Variants in KCTD8 observed in about 807,000 individuals in gnomAD.
The protein encoded by KCTD8 is BTB/POZ domain-containing protein KCTD8.
KCTD8 carries 27 observed loss-of-function variants against 31.5 expected under a neutral mutation model. The observed-to-expected ratio is 0.86, with a 90% CI of 0.63 to 1.18. The LOEUF is 1.18. KCTD8 is among the 50% of genes most tolerant of loss of function. KCTD8 has a pLI of 0.00. For synonymous variants in KCTD8, 290 were observed against 280.0 expected (o/e 1.04, Z -0.36); for missense variants, 658 against 647.7 (o/e 1.02, Z -0.17).
At chr4:44,426,051 G>C (rs1180236383) in intron 1 of KCTD8, among the ~76,000 whole-genome samples, 1 of 151,202 alleles carries the variant, frequency 6.6e-6, no homozygotes, top group African/African-American at 2.4e-5. Flanking sequence ...CCAAGTAAAA[G>C]ACTACTAGAT....
intron 1 of KCTD8, among the ~76,000 whole-genome samples, chr4:44,420,979 A>C (rs1721195048): frequency 6.7e-6 from 1 of 149,582 alleles, no homozygotes; most frequent in African/African-American, 2.5e-5. Flanking sequence ...AGAGAGATTA[A>C]AAAAAAAAGG....
chr4:44,396,795 A>C (rs1412624226), intron 1 of KCTD8, among the ~76,000 whole-genome samples: 7 of 152,178 alleles, frequency 4.6e-5, no homozygotes, highest in Non-Finnish European at 1.0e-4. Context: ...AGACCCATGC[A>C]GTGGAAATAT....
intron 1 of KCTD8, among the ~76,000 whole-genome samples, chr4:44,331,709 A>C (rs1718594206): frequency 6.7e-6 from 1 of 149,794 alleles, no homozygotes. Context: ...ATATGTGGAG[A>C]TGTGGAGCCA....
chr4:44,447,873 G>T lies in KCTD8; in HGVS notation c.651C>A (p.Tyr217Ter). Residue 217 changes from tyrosine to a stop codon, truncating the protein, a stop_gained, in exon 1 of 2, where the codon TAC becomes TAA. Transcript: ENST00000360029. LOFTEE classifies it high-confidence loss of function. ...GFLTLGYRGS[Y>*]TTVRDNQADA... is the part of the protein sequence containing the mutation. The stretch of plus-strand genomic sequence containing the variant: ...CGGCCTGGTTGTCGCGCACGGTGGT[G>T]TAGGAGCCCCGGTAGCCCAGCGTGA... 1 of 1,558,962 alleles carries T rather than the reference G, an allele frequency of 6.4e-7. No individual in the cohort carries two copies. Among genetic ancestry groups the T allele is most frequent in the Non-Finnish European group, 8.7e-7 (1 of 1,150,358 alleles).
At chr4:44,384,270 C>A (rs1050006203) in intron 1 of KCTD8, among the ~76,000 whole-genome samples, 6 of 151,748 alleles carry the variant, frequency 4.0e-5, no homozygotes, top group African/African-American at 1.5e-4. Context: ...CCTCAAAAAA[C>A]CACAAATACA....
intron 1 of KCTD8, among the ~76,000 whole-genome samples, chr4:44,248,512 T>C (rs953836657): frequency 3.3e-5 from 5 of 151,684 alleles, no homozygotes; most frequent in African/African-American, 1.2e-4. Flanking sequence ...TTCTTTCTAG[T>C]CTCTTAAAAT....
At chr4:44,241,184 C>T (rs544762512) in intron 1 of KCTD8, among the ~76,000 whole-genome samples, 1 of 152,300 alleles carries the variant, frequency 6.6e-6, no homozygotes, top group Non-Finnish European at 1.5e-5. Flanking sequence ...TGCATTTCTT[C>T]TTTTACTCTA....
At chr4:44,391,839 T>C (rs1048972843) in intron 1 of KCTD8, among the ~76,000 whole-genome samples, 7 of 151,898 alleles carry the variant, frequency 4.6e-5, no homozygotes, top group Non-Finnish European at 8.8e-5. Flanking sequence ...TTATAATGAG[T>C]AGACAAAGTT....
At chr4:44,217,745 T>A (rs894885040) in intron 1 of KCTD8, among the ~76,000 whole-genome samples, 1 of 152,182 alleles carries the variant, frequency 6.6e-6, no homozygotes, top group African/African-American at 2.4e-5. Flanking sequence ...GATGCTTCCA[T>A]CCATTCTTCC....
intron 1 of KCTD8, among the ~76,000 whole-genome samples, chr4:44,186,060 T>G (rs540070494): frequency 1.3e-5 from 2 of 152,238 alleles, no homozygotes; most frequent in South Asian, 2.1e-4. Context: ...TTTCCAAGAC[T>G]ACTCTGGCCT....
intron 1 of KCTD8, among the ~76,000 whole-genome samples, chr4:44,424,837 C>T (rs189313679): frequency 1.3e-4 from 20 of 152,152 alleles, no homozygotes; most frequent in Non-Finnish European, 1.5e-4. Context: ...TTACCCAGTT[C>T]TCATTGATAT....
chr4:44,300,001 C>A (rs1717561888), intron 1 of KCTD8, among the ~76,000 whole-genome samples: 1 of 151,946 alleles, frequency 6.6e-6, no homozygotes. Flanking sequence ...CCACCCGCCT[C>A]GGCCTCCCAA....
chr4:44,202,768 A>T (rs933387743), intron 1 of KCTD8, among the ~76,000 whole-genome samples: 2 of 152,140 alleles, frequency 1.3e-5, no homozygotes, highest in African/African-American at 2.4e-5. Flanking sequence ...CCAAATACAA[A>T]ATCTAAACAA....
chr4:44,389,979 ATTGT>A (rs1413110167), intron 1 of KCTD8, among the ~76,000 whole-genome samples: 2 of 150,558 alleles, frequency 1.3e-5, no homozygotes, highest in East Asian at 2.0e-4. Context: ...TTTTGATGGG[ATTGT>A]TTGTTTTTAT....
chr4:44,406,274 A>G (rs1422142660), intron 1 of KCTD8, among the ~76,000 whole-genome samples: 1 of 152,176 alleles, frequency 6.6e-6, no homozygotes, highest in Non-Finnish European at 1.5e-5. Context: ...CCCCCAAAGC[A>G]TAATATCATA....
At chr4:44,439,930 T>C (rs888616650) in intron 1 of KCTD8, among the ~76,000 whole-genome samples, 1 of 150,824 alleles carries the variant, frequency 6.6e-6, no homozygotes, top group African/African-American at 2.4e-5. Context: ...ATTTATTTAT[T>C]TATTTATTTA....
chr4:44,313,668 C>T (rs1718019659), intron 1 of KCTD8, among the ~76,000 whole-genome samples: 2 of 152,248 alleles, frequency 1.3e-5, no homozygotes, highest in South Asian at 2.1e-4. Flanking sequence ...TAATACAAAA[C>T]TATTGAGTAT....
intron 1 of KCTD8, among the ~76,000 whole-genome samples, chr4:44,194,837 C>A (rs1257648449): frequency 8.4e-6 from 1 of 119,012 alleles, no homozygotes; most frequent in Admixed American, 9.0e-5. Context: ...TCCTTCCTTC[C>A]TTCCCTCTTT....
intron 1 of KCTD8, among the ~76,000 whole-genome samples, chr4:44,245,314 T>TAA (rs147143624): frequency 0.03 from 4,574 of 151,878 alleles, 240 homozygotes; most frequent in African/African-American, 0.11. Context: ...CTAAGACTGA[T>TAA]AAAAAAAGCA....
Sources: allele counts gnomAD v4.1 joint callset (sites outside exome capture counted in the v4.1 genomes callset), GRCh38; gene constraint gnomAD v4.1.1; transcripts MANE v1.5; gene names NCBI Gene and HGNC (gene_info 2026-07-23, HGNC 2026-07-21).